Variants in ZC3H4 observed in about 807,000 individuals in gnomAD.
ZC3H4 encodes zinc finger CCCH domain-containing protein 4.
A neutral mutation model predicts 108.3 loss-of-function variants in ZC3H4; 13 were observed. That is an observed-to-expected ratio of 0.12 (90% CI 0.08 to 0.19). ZC3H4 has a LOEUF of 0.19. Ranked by LOEUF, ZC3H4 falls within the 10% of genes least tolerant of loss-of-function variation. ZC3H4 has a pLI of 1.00. For synonymous variants in ZC3H4, 917 were observed against 749.6 expected (o/e 1.22, Z -3.65); for missense variants, 1,734 against 1,838.8 (o/e 0.94, Z 1.04).
Position 47,087,161 on chromosome 19 carries a change from A to T in ZC3H4, c.716-623T>A, listed in dbSNP as rs2057643534. Among the ~76,000 whole-genome samples the T allele has an allele frequency of 3.3e-5, 5 of 151,856 alleles. No homozygotes were observed. The South Asian group carries it at 1.0e-3, about 32-fold the overall frequency. ...TGTGGTGGCGCACACCTGTAATCCC[A>T]GTTACTCAGGAGGCTCAGGTGGGAG... is the stretch of plus-strand genomic sequence containing the variant. On this transcript the variant is annotated intron_variant, in intron 5 of 14. Coordinates refer to ENST00000253048, the MANE Select transcript of ZC3H4 (RefSeq NM_015168.2).
chr19:47,068,261 G>A (rs538392318), intron 14 of ZC3H4, among the ~76,000 whole-genome samples: 2 of 152,280 alleles, frequency 1.3e-5, no homozygotes, highest in African/African-American at 2.4e-5. Context: ...GTTTCCTCCC[G>A]CCCACCTCCG....
rs561929540 is a variant in ZC3H4, at chr19:47,067,499, C to T, written c.2769G>A (p.Thr923=). ...SSSKGSGPPP[T]EEEEGERALR... ...GGGCCCGCTCCCCTTCCTCCTCCTC[C>T]GTTGGGGGCGGCCCAGACCCCTTGG... The change falls in exon 15 of 15, where the codon ACG becomes ACA. Residue 923 remains threonine, a synonymous_variant. Transcript: ENST00000253048. This position sits in a 1 kb window ranked among gnomAD's most constrained non-coding sequence, Gnocchi z 6.4. The T allele has an allele frequency of 2.0e-5, 31 of 1,584,442 alleles. No homozygotes were observed. The highest frequency in any genetic ancestry group is 1.1e-4 in the East Asian group (5 of 44,544).
At chr19:47,091,930 T>C (rs1019007203) in intron 4 of ZC3H4, among the ~76,000 whole-genome samples, 2 of 151,774 alleles carry the variant, frequency 1.3e-5, no homozygotes, top group Non-Finnish European at 2.9e-5. Context: ...AAAAGTCGGC[T>C]GCGCATGGTG....
intron 6 of ZC3H4, among the ~76,000 whole-genome samples, chr19:47,086,159 G>A (rs1010077741): frequency 1.3e-5 from 2 of 152,104 alleles, no homozygotes; most frequent in Admixed American, 6.5e-5. Flanking sequence ...GAGCCACCGC[G>A]CCCAGCCGAT....
intron 5 of ZC3H4, among the ~76,000 whole-genome samples, chr19:47,089,027 G>T (rs540031934): frequency 2.0e-5 from 3 of 151,892 alleles, no homozygotes; most frequent in African/African-American, 7.2e-5. Context: ...CCAACATGGT[G>T]AAACTCCGTC....
intron 2 of ZC3H4, among the ~76,000 whole-genome samples, chr19:47,099,159 A>G (rs551008238): frequency 5.9e-5 from 9 of 152,286 alleles, no homozygotes; most frequent in African/African-American, 1.2e-4. Flanking sequence ...CATGTTCTCT[A>G]TAAGAAAGCT....
At chr19:47,095,646 T>C (rs966658818) in intron 2 of ZC3H4, among the ~76,000 whole-genome samples, 2 of 151,606 alleles carry the variant, frequency 1.3e-5, no homozygotes, top group African/African-American at 4.9e-5. Context: ...TGGGGTGGGG[T>C]AGGAGTGAGG....
Position 47,113,731 on chromosome 19 carries a change from G to T in ZC3H4, c.-17C>A, listed in dbSNP as rs2058068144. The T allele has an allele frequency of 6.6e-6, 1 of 152,418 alleles. No homozygotes were observed. The highest frequency in any genetic ancestry group is 2.1e-4 in the South Asian group (1 of 4,878). The allele number at this position is 152,418 out of a possible 1,614,324, so 9.4% of individuals were successfully genotyped here. On this transcript the variant is annotated 5_prime_UTR_variant, in exon 1 of 15. Coordinates refer to ENST00000253048, the MANE Select transcript of ZC3H4 (RefSeq NM_015168.2). ...AAAAAAAAAATAACCGAAAGCTGGA[G>T]GCCAGGTGCCGAGAGTCGGAGGTTT...
intron 5 of ZC3H4, among the ~76,000 whole-genome samples, chr19:47,087,323 TATAAA>T (rs1277209531): frequency 6.6e-6 from 1 of 150,978 alleles, no homozygotes; most frequent in Non-Finnish European, 1.5e-5. Context: ...TGAGAAAGAA[TATAAA>T]ATATCTCATT....
chr19:47,082,340 TCTTG>T, intron 9 of ZC3H4, 45 bp from the exon 10 acceptor site: 1 of 1,427,962 alleles, frequency 7.0e-7, no homozygotes, highest in Non-Finnish European at 9.9e-7. Context: ...CGTGGGAAGC[TCTTG>T]CTTACTTCTG....
Position 47,081,178 on chromosome 19 carries a change from G to A in ZC3H4, c.1440+335C>T, listed in dbSNP as rs117069622. ...GCCTCCCAAAGTGCTGGGGTTACAG[G>A]TGATTCGTGTATCTTTGTGTATTGT... On this transcript the variant is annotated intron_variant, in intron 11 of 14. Transcript: ENST00000253048. Among the ~76,000 whole-genome samples, 884 of 152,318 alleles carry A rather than the reference G, an allele frequency of 5.8e-3. 8 individuals are homozygous for A. Among genetic ancestry groups the A allele is most frequent in the Middle Eastern group, 0.014 (4 of 294 alleles).
rs1048031353 is a variant in ZC3H4 at position 47,109,932 on chromosome 19, T to C, written c.161+2492A>G. Reference sequence around the variant, plus strand: ...GCAAGTCATTTCTGTTGTTGTTTTTTCCTTGTTACGTGGAGGCCGGGGGGA... The same window carrying C: ...GCAAGTCATTTCTGTTGTTGTTTTTCCCTTGTTACGTGGAGGCCGGGGGGA... On this transcript the variant is annotated intron_variant, in intron 2 of 14. Transcript: ENST00000253048. Among the ~76,000 whole-genome samples, 3 of 152,210 alleles carry C rather than the reference T, an allele frequency of 2.0e-5. No homozygotes were observed. The East Asian group carries it at 5.8e-4, about 29-fold the overall frequency.
Position 47,112,532 on chromosome 19 carries a change from G to T in ZC3H4, c.53C>A (p.Pro18Gln). 4 of 1,070,472 alleles carry T rather than the reference G, an allele frequency of 3.7e-6. No individual in the cohort carries two copies. The highest frequency in any genetic ancestry group is 3.6e-6 in the Non-Finnish European group (3 of 833,362). The allele number at this position is 1,070,472 out of a possible 1,614,324, so 66.3% of individuals were successfully genotyped here. A position where few individuals can be genotyped will look rare whatever the true frequency, so the allele number is the denominator to read the frequency against. ...PPPPPSESPP[P>Q]PSPPPPSTPS... ...CGTTGATGGCGGCGGCGGCGATGGC[G>T]GCGGCGGCGACTCTGATGGCGGCGG... Residue 18 changes from proline (P) to glutamine (Q), a missense_variant, in exon 2 of 15, where the codon CCG (proline) becomes CAG (glutamine). Physicochemically the swap from Pro to Gln is moderately conservative, Grantham distance 76 (BLOSUM62 -1). Around this residue, in one of 9 missense-constraint regions of ZC3H4, gnomAD observed 112 missense variants for 73.3 expected, o/e 1.53. Transcript: ENST00000253048.
rs958898520 is a variant in ZC3H4, at chr19:47,065,612, A to G, written c.*744T>C. On this transcript the variant is annotated 3_prime_UTR_variant, in exon 15 of 15. Transcript: ENST00000253048. ...GTGGCTCTTCAGGACTCTGCCCCACACCGGCCCCCACTACCTTTGGGTCCA... is the reference window on the plus strand; with the variant it reads ...GTGGCTCTTCAGGACTCTGCCCCACGCCGGCCCCCACTACCTTTGGGTCCA... 1 of 152,766 alleles carries G rather than the reference A, an allele frequency of 6.5e-6. No homozygotes were observed. Among genetic ancestry groups the G allele is most frequent in the Admixed American group, 6.5e-5 (1 of 15,270 alleles). The allele number at this position is 152,766 out of a possible 1,614,324, so 9.5% of individuals were successfully genotyped here. A position where few individuals can be genotyped will look rare whatever the true frequency, so the allele number is the denominator to read the frequency against.
intron 7 of ZC3H4, 27 bp from the exon 8 acceptor site, chr19:47,085,222 C>T: frequency 6.3e-7 from 1 of 1,589,038 alleles, no homozygotes; most frequent in Non-Finnish European, 8.6e-7. Context: ...GTGTGAAGAC[C>T]TGCTGACCAC....
chr19:47,104,056 C>T (rs542525015), intron 2 of ZC3H4, among the ~76,000 whole-genome samples: 5 of 151,864 alleles, frequency 3.3e-5, no homozygotes, highest in Non-Finnish European at 7.4e-5. Context: ...CAGTGGCTCA[C>T]GCCTGTAATC....
chr19:47,113,111 C>A (rs924114308), intron 1 of ZC3H4, among the ~76,000 whole-genome samples: 5 of 152,254 alleles, frequency 3.3e-5, no homozygotes, highest in African/African-American at 1.2e-4. Context: ...GGAATTGACA[C>A]AAAATGGCGG....
intron 11 of ZC3H4, among the ~76,000 whole-genome samples, chr19:47,075,728 ATTG>A (rs2057407591): frequency 1.3e-5 from 2 of 152,176 alleles, no homozygotes; most frequent in Non-Finnish European, 2.9e-5. Flanking sequence ...ACAGAGATTT[ATTG>A]AGTGAACGAC....
chr19:47,068,987 T>C (rs2057272766), intron 14 of ZC3H4, 105 bp downstream of exon 14: 3 of 1,565,626 alleles, frequency 1.9e-6, no homozygotes, highest in Non-Finnish European at 2.6e-6. Flanking sequence ...TCCCTAGCCA[T>C]GGGCTCCTTC....
Sources: allele counts gnomAD v4.1 joint callset (sites outside exome capture counted in the v4.1 genomes callset), GRCh38; gene constraint gnomAD v4.1.1; regional missense constraint gnomAD v4.1.1; non-coding constraint Gnocchi (gnomAD v3.1); transcripts MANE v1.5; gene names NCBI Gene and HGNC (gene_info 2026-07-23, HGNC 2026-07-21).